Variants in NOL8 observed in about 807,000 individuals in gnomAD.
NOL8 encodes the protein nucleolar protein 8.
Under a neutral mutation model 116.1 loss-of-function variants are expected in NOL8, and 93 were observed. The ratio of observed to expected loss-of-function variants is 0.80; its 90% CI spans 0.68 to 0.95. NOL8 has a LOEUF of 0.95. NOL8 is among the 40% of genes least tolerant of loss of function. NOL8 has a pLI of 0.00. For missense variants in NOL8, 1,291 were observed against 1,382.8 expected (o/e 0.93, Z 1.05); for synonymous variants, 419 against 469.0 (o/e 0.89, Z 1.38).
intron 12 of NOL8, among the ~76,000 whole-genome samples, chr9:92,303,420 C>G (rs1430172367): frequency 1.3e-5 from 2 of 152,184 alleles, no homozygotes; most frequent in African/African-American, 4.8e-5. Flanking sequence ...ATGAAAATTT[C>G]AGTGTCCTTT....
rs764174088 is a variant in NOL8, at chr9:92,315,587, G to A, written c.1038C>T (p.His346=). 3.7e-6 allele frequency: 6 copies of A among 1,612,924 alleles called. No individual in the cohort carries two copies. Among genetic ancestry groups the A allele is most frequent in the Admixed American group, 1.7e-5 (1 of 59,952 alleles). The change falls in exon 7 of 17, where the codon CAC becomes CAT. Residue 346 remains histidine (H), a synonymous_variant. Transcript: ENST00000442668. ...VVRDDFKSGV[H]KLHSLIGLGI... is the part of the protein sequence containing the mutation. ...CTAAACCTATTAAAGAATGCAGTTT[G>A]TGAACGCCTGATTTGAAATCATCCC...
At chr9:92,319,403 AC>A (rs1342907659) in intron 4 of NOL8, 47 bp from the exon 5 acceptor site, 7 of 1,484,382 alleles carry the variant, frequency 4.7e-6, no homozygotes, top group Non-Finnish European at 6.2e-6. Context: ...ATAATCAGCC[AC>A]GTAAAATGGT....
rs748841639 is a variant in NOL8 at position 92,319,223 on chromosome 9, T to C, written c.415A>G (p.Lys139Glu). 6.4e-7 allele frequency: 1 copy of C among 1,558,344 alleles called. No homozygotes were observed. Among genetic ancestry groups the C allele is most frequent in the Non-Finnish European group, 8.6e-7 (1 of 1,159,098 alleles). The change falls in exon 5 of 17, where the codon AAG becomes GAG. Residue 139 changes from lysine to glutamate, a missense_variant and splice_region_variant. Coordinates refer to ENST00000442668, the MANE Select transcript of NOL8 (RefSeq NM_017948.6). ...AVPGTEVPGH[K>E]NWVVSKFGRV... The stretch of plus-strand genomic sequence containing the variant: ...CTCAGGCTACAGAGGAGACTCACCT[T>C]ATGCCCTGGCACTTCTGTCCCTGGC...
Position 92,298,138 on chromosome 9 carries a change from C to G in NOL8, c.3453+119G>C, listed in dbSNP as rs1001359878. ...TGGCTGGATTCTGAGACCAGTCACT[C>G]AATTGAGCCAGTCTGCAGTCTCCTC... On this transcript the variant is annotated intron_variant, in intron 16 of 16. Transcript: ENST00000442668. 1.3e-5 allele frequency: 10 copies of G among 760,692 alleles called. No individual in the cohort carries two copies. In the East Asian group the frequency reaches 2.7e-4, roughly 21 times the overall value. 47.1% of individuals were successfully genotyped at this position (760,692 alleles called of 1,614,324 possible). A position where few individuals can be genotyped will look rare whatever the true frequency, so the allele number is the denominator to read the frequency against.
intron 1 of NOL8, 28 bp from the exon 2 acceptor site, chr9:92,324,237 T>C: frequency 6.9e-7 from 1 of 1,444,528 alleles, no homozygotes; most frequent in Non-Finnish European, 9.3e-7. Context: ...TTCTTTCCCT[T>C]AGTTCTTCTA....
At chr9:92,309,852 T>C (rs1838607463) in intron 10 of NOL8, among the ~76,000 whole-genome samples, 1 of 152,208 alleles carries the variant, frequency 6.6e-6, no homozygotes, top group African/African-American at 2.4e-5. Context: ...CTGTCTTCCA[T>C]GGCTTCACCC....
intron 13 of NOL8, chr9:92,300,430 T>C (rs1221409340): frequency 2.0e-6 from 2 of 988,462 alleles, no homozygotes; most frequent in African/African-American, 3.5e-5. Flanking sequence ...AATATATCTT[T>C]ACATTTTCAA....
At chr9:92,310,311 T>A (rs772141188) in intron 9 of NOL8, 50 bp from the exon 10 acceptor site, 2 of 1,510,648 alleles carry the variant, frequency 1.3e-6, no homozygotes, top group South Asian at 2.4e-5. Flanking sequence ...CCCAAGAAAT[T>A]GCTTCTGACG....
In NOL8 at chr9:92,298,252, C is replaced by CT; in HGVS notation, c.3453+4dup. The CT allele has an allele frequency of 6.3e-7, 1 of 1,590,510 alleles. No individual in the cohort carries two copies. The highest frequency in any genetic ancestry group is 1.1e-5 in the South Asian group (1 of 87,862). ...AGGAAATAATATGGAGAAACAATTA[C>CT]TCACCATACGCAGGTTGGTTGTTCT... On this transcript the variant is annotated splice_donor_region_variant and intron_variant, in intron 16 of 16. Coordinates refer to ENST00000442668, the MANE Select transcript of NOL8 (RefSeq NM_017948.6).
intron 10 of NOL8, among the ~76,000 whole-genome samples, chr9:92,308,206 C>G (rs1034313214): frequency 6.6e-6 from 1 of 152,010 alleles, no homozygotes; most frequent in African/African-American, 2.4e-5. Context: ...CTAGGCAACA[C>G]AGCGAGACCC....
chr9:92,300,105 T>C (rs1587941044), intron 13 of NOL8, 89 bp from the exon 14 acceptor site: 9 of 1,489,596 alleles, frequency 6.0e-6, no homozygotes, highest in East Asian at 4.8e-5. Flanking sequence ...TTTTACCACG[T>C]AGACATATCT....
intron 12 of NOL8, among the ~76,000 whole-genome samples, chr9:92,303,278 G>A (rs1837907851): frequency 6.6e-6 from 1 of 152,126 alleles, no homozygotes; most frequent in South Asian, 2.1e-4. Flanking sequence ...GAAGGGGTTG[G>A]CAAACTATAG....
At chr9:92,301,905 G>A in intron 12 of NOL8, 83 bp from the exon 13 acceptor site, 7 of 1,190,372 alleles carry the variant, frequency 5.9e-6, no homozygotes, top group Admixed American at 3.1e-5. Context: ...AAAAAATCTT[G>A]GACAACTTTA....
At chr9:92,302,510 A>G (rs1837840926) in intron 12 of NOL8, among the ~76,000 whole-genome samples, 1 of 152,238 alleles carries the variant, frequency 6.6e-6, no homozygotes, top group Non-Finnish European at 1.5e-5. Context: ...TTAGTGGTAG[A>G]GACCATATCA....
rs753679347 is a variant in NOL8, at chr9:92,306,875, A to G, written c.2825+11T>C. ...ATGATATGGTAGAATGGGATGGAAC[A>G]TAAAACATACTTAAATTTCTTAGCA... On this transcript the variant is annotated intron_variant, in intron 11 of 16. Coordinates refer to ENST00000442668, the MANE Select transcript of NOL8 (RefSeq NM_017948.6). The G allele has an allele frequency of 4.3e-6, 7 of 1,610,308 alleles. No individual in the cohort carries two copies. In the African/African-American group the frequency reaches 8.0e-5, roughly 18 times the overall value.
chr9:92,310,175 C>T lies in NOL8; in HGVS notation c.2682G>A (p.Gln894=). 6.2e-7 allele frequency: 1 copy of T among 1,602,868 alleles called. No individual in the cohort carries two copies. Among genetic ancestry groups the T allele is most frequent in the Non-Finnish European group, 8.5e-7 (1 of 1,174,202 alleles). Residue 894 remains glutamine (Q), a synonymous_variant, in exon 10 of 17, where the codon CAG becomes CAA. Transcript: ENST00000442668. ...TCTGGACAATGAAGCATTTACCTTCCTGTTCCTCTTCACTGTCAGTTTCTA... is the reference window on the plus strand; with the variant it reads ...TCTGGACAATGAAGCATTTACCTTCTTGTTCCTCTTCACTGTCAGTTTCTA... ...RFLETDSEEE[Q]EEVNEKKTAE...
chr9:92,310,875 T>TGAA, intron 8 of NOL8, 200 bp from the exon 9 acceptor site: 1 of 603,314 alleles, frequency 1.7e-6, no homozygotes, highest in Non-Finnish European at 2.9e-6. Context: ...GGCTCTCCAG[T>TGAA]GAAGCCTGGA....
At chr9:92,307,426 T>C (rs929101532) in intron 10 of NOL8, among the ~76,000 whole-genome samples, 6 of 151,942 alleles carry the variant, frequency 3.9e-5, no homozygotes, top group African/African-American at 1.5e-4. Context: ...GAGTGAAAAA[T>C]GGTAATGGTA....
rs781381968 is a variant in NOL8, at chr9:92,315,725, A to G, written c.900T>C (p.Asp300=). ...TAKKRNSISD[D]DTDSEDELRM... ...TCAATTCATCTTCAGAATCAGTATC[A>G]TCATCAGAAATGCTGTTTCTCTTCT... is the stretch of plus-strand genomic sequence containing the variant. The change falls in exon 7 of 17, where the codon GAT becomes GAC. Residue 300 remains aspartate, a synonymous_variant. Transcript: ENST00000442668. 1.3e-5 allele frequency: 21 copies of G among 1,613,026 alleles called. No individual in the cohort carries two copies. The highest frequency in any genetic ancestry group is 1.7e-5 in the Admixed American group (1 of 59,870).
Sources: allele counts gnomAD v4.1 joint callset (sites outside exome capture counted in the v4.1 genomes callset), GRCh38; gene constraint gnomAD v4.1.1; transcripts MANE v1.5; gene names NCBI Gene and HGNC (gene_info 2026-07-23, HGNC 2026-07-21).